The following HS3ST3A1 variants were observed in gnomAD, a reference collection of about 807,000 sequenced individuals.
HS3ST3A1 encodes the protein heparan sulfate-glucosamine 3-sulfotransferase 3A1, also known as heparan sulfate glucosamine 3-O-sulfotransferase 3A1.
HS3ST3A1 carries 19 observed loss-of-function variants against 25.7 expected under a neutral mutation model. That is an observed-to-expected ratio of 0.74 (90% CI 0.52 to 1.08). The LOEUF (loss-of-function observed/expected upper bound fraction) is 1.08. Among genes scored for constraint, HS3ST3A1 ranks in the 50% least tolerant of loss-of-function variants. HS3ST3A1 has a pLI of 0.00. For synonymous variants in HS3ST3A1, 226 were observed against 278.6 expected, an observed-to-expected ratio of 0.81 and a Z score of 1.88; for missense variants, 459 against 594.3, an observed-to-expected ratio of 0.77 and a Z score of 2.37.
intron 1 of HS3ST3A1, among the ~76,000 whole-genome samples, chr17:13,532,862 C>T (rs1455660448): frequency 7.7e-6 from 1 of 130,050 alleles, no homozygotes; most frequent in East Asian, 2.5e-4. Context: ...TGGTTACACA[C>T]ACACAAATAC....
In HS3ST3A1 at chr17:13,601,120, G is replaced by A; in HGVS notation, c.10C>T (p.Pro4Ser). The change falls in exon 1 of 2, where the codon CCG becomes TCG. Residue 4 changes from proline (P) to serine (S), a missense_variant. Physicochemically the swap from Pro to Ser is moderately conservative, Grantham distance 74. Transcript: ENST00000284110. MAP[P>S]GPASALSTSA... ...GTGGAGAGGGCACTGGCCGGGCCCG[G>A]AGGGGCCATCCTAGCCGGAGGCGAC... 6.4e-7 allele frequency: 1 copy of A among 1,561,502 alleles called. No individual in the cohort carries two copies. Among genetic ancestry groups the A allele is most frequent in the Non-Finnish European group, 8.7e-7 (1 of 1,155,802 alleles).
At chr17:13,519,504 T>G (rs1320396525) in intron 1 of HS3ST3A1, among the ~76,000 whole-genome samples, 1 of 152,196 alleles carries the variant, frequency 6.6e-6, no homozygotes, top group Non-Finnish European at 1.5e-5. Context: ...CCCAAAGTTC[T>G]GTATAAATGT....
chr17:13,537,590 T>C (rs1343071989), intron 1 of HS3ST3A1, among the ~76,000 whole-genome samples: 1 of 152,246 alleles, frequency 6.6e-6, no homozygotes, highest in African/African-American at 2.4e-5. Flanking sequence ...CCTGTGTCTC[T>C]GGCAAATGTA....
intron 1 of HS3ST3A1, among the ~76,000 whole-genome samples, chr17:13,583,367 A>T (rs949531514): frequency 5.9e-5 from 9 of 152,138 alleles, no homozygotes; most frequent in African/African-American, 2.2e-4. Flanking sequence ...TGGTCATGCA[A>T]TGAAATATTC....
chr17:13,585,862 TTTTTTC>T (rs1908248614), intron 1 of HS3ST3A1, among the ~76,000 whole-genome samples: 6 of 142,848 alleles, frequency 4.2e-5, no homozygotes, highest in Admixed American at 6.9e-5. Flanking sequence ...TTTTTTTTTT[TTTTTTC>T]TGACAGAGTC....
intron 1 of HS3ST3A1, among the ~76,000 whole-genome samples, chr17:13,588,269 GAA>G (rs796090330): frequency 2.8e-5 from 4 of 141,678 alleles, no homozygotes; most frequent in African/African-American, 1.0e-4. Context: ...GCCCTTTCCA[GAA>G]AAAAAAAAAA....
intron 1 of HS3ST3A1, among the ~76,000 whole-genome samples, chr17:13,561,052 C>T (rs1419961700): frequency 2.0e-5 from 3 of 152,146 alleles, no homozygotes; most frequent in Non-Finnish European, 4.4e-5. Flanking sequence ...CCAGAGGCCT[C>T]CATTCCTCGA....
At chr17:13,555,175 A>G (rs1907338958) in intron 1 of HS3ST3A1, among the ~76,000 whole-genome samples, 1 of 151,896 alleles carries the variant, frequency 6.6e-6, no homozygotes, top group Non-Finnish European at 1.5e-5. Flanking sequence ...TTACACCCTT[A>G]TGCCTCCCGC....
Position 13,600,613 on chromosome 17 carries a change from G to A in HS3ST3A1, c.517C>T (p.Arg173Cys), listed in dbSNP as rs768809737. 3.1e-6 allele frequency: 5 copies of A among 1,599,118 alleles called. No homozygotes were observed. The highest frequency in any genetic ancestry group is 3.4e-6 in the Non-Finnish European group (4 of 1,177,550). The change falls in exon 1 of 2, where the codon CGC (arginine) becomes TGC (cysteine). Residue 173 changes from arginine (R) to cysteine (C), a missense_variant. Arg to Cys is a radical substitution (Grantham distance 180). Transcript: ENST00000284110. ...ACGGCGCGCACGTCGGGGTGCACGC[G>A]CAGGAACTCCAGCAGCGCCCGCGTG... The part of the protein sequence containing the change: ...GGTRALLEFL[R>C]VHPDVRAVGA...
chr17:13,548,747 A>C lies in HS3ST3A1; in HGVS notation c.599+51784T>G, dbSNP rs11869531. Among the ~76,000 whole-genome samples the C allele has an allele frequency of 5.5e-3, 838 of 152,244 alleles. 8 individuals are homozygous for C. The highest frequency in any genetic ancestry group is 0.019 in the African/African-American group (804 of 41,542). On this transcript the variant is annotated intron_variant, in intron 1 of 1. Transcript: ENST00000284110. Reference sequence around the variant, plus strand: ...AACGCACCAATCATCACTCTGTAAAAACGCACCAATCAGCGTTCTTGTGTC... The same window carrying C: ...AACGCACCAATCATCACTCTGTAAACACGCACCAATCAGCGTTCTTGTGTC...
intron 1 of HS3ST3A1, among the ~76,000 whole-genome samples, chr17:13,522,834 C>T (rs1906289362): frequency 2.4e-5 from 3 of 127,580 alleles, no homozygotes; most frequent in Admixed American, 1.8e-4. Context: ...CACACACACA[C>T]ACCACACACA....
In HS3ST3A1 at chr17:13,496,017, T is replaced by A. The variant is rs551611556; in HGVS notation, c.*180A>T. ...GAGTGAAATTTTCCTTTTCTGTTGA[T>A]CCACGTGTTTGGTGTTGGTTATACA... is the stretch of plus-strand genomic sequence containing the variant. On this transcript the variant is annotated 3_prime_UTR_variant, in exon 2 of 2. Transcript: ENST00000284110. The A allele has an allele frequency of 1.7e-5, 12 of 715,234 alleles. No individual in the cohort carries two copies. In the African/African-American group the frequency reaches 2.2e-4, roughly 13 times the overall value. 44.3% of individuals were successfully genotyped at this position (715,234 alleles called of 1,614,324 possible). A position where few individuals can be genotyped will look rare whatever the true frequency, so the allele number is the denominator to read the frequency against.
At chr17:13,575,447 T>C (rs902457333) in intron 1 of HS3ST3A1, among the ~76,000 whole-genome samples, 2 of 152,214 alleles carry the variant, frequency 1.3e-5, no homozygotes, top group Non-Finnish European at 1.5e-5. Flanking sequence ...CATGAATCTA[T>C]ACCTTGCTGA....
chr17:13,584,514 G>T (rs1235236071), intron 1 of HS3ST3A1, among the ~76,000 whole-genome samples: 1 of 142,608 alleles, frequency 7.0e-6, no homozygotes, highest in African/African-American at 2.6e-5. Context: ...AAGGAAGGAA[G>T]GAAAAAAGGA....
In HS3ST3A1 at chr17:13,600,973, C is replaced by T. The variant is rs909023839; in HGVS notation, c.157G>A (p.Val53Ile). The T allele has an allele frequency of 2.6e-6, 4 of 1,556,226 alleles. No individual in the cohort carries two copies. Among genetic ancestry groups the T allele is most frequent in the Admixed American group, 1.9e-5 (1 of 51,776 alleles). Residue 53 changes from valine (V) to isoleucine (I), a missense_variant, in exon 1 of 2, where the codon GTC (valine) becomes ATC (isoleucine). Around this residue, in one of 3 missense-constraint regions of HS3ST3A1, gnomAD observed 346 missense variants for 303.9 expected, o/e 1.14. Coordinates refer to ENST00000284110, the MANE Select transcript of HS3ST3A1 (RefSeq NM_006042.3). Reference sequence around the variant, plus strand: ...TCGCCGCCGCCGGACAGCCCCACGACGGGGCCGGACAGGGTCTGGCAGCGC... The same window carrying T: ...TCGCCGCCGCCGGACAGCCCCACGATGGGGCCGGACAGGGTCTGGCAGCGC... ...AERCQTLSGPVVGLSGGGEEA... is the reference protein window; with the variant it reads ...AERCQTLSGPIVGLSGGGEEA...
At position 13,496,065 on chromosome 17, in the gene HS3ST3A1, A is replaced by G; in HGVS notation, c.*132T>C. On this transcript the variant is annotated 3_prime_UTR_variant, in exon 2 of 2. Coordinates refer to ENST00000284110, the MANE Select transcript of HS3ST3A1 (RefSeq NM_006042.3). ...ACATTAAGATGGGGCGGGAGTGAGA[A>G]CAATCTCTTAACATTCATTGAAAAA... 8.6e-7 allele frequency: 1 copy of G among 1,159,094 alleles called. No individual in the cohort carries two copies. The allele number at this position is 1,159,094 out of a possible 1,614,324, so 71.8% of individuals were successfully genotyped here. A position where few individuals can be genotyped will look rare whatever the true frequency, so the allele number is the denominator to read the frequency against.
intron 1 of HS3ST3A1, among the ~76,000 whole-genome samples, chr17:13,504,100 G>A (rs1905577832): frequency 6.6e-6 from 1 of 152,004 alleles, no homozygotes; most frequent in Non-Finnish European, 1.5e-5. Flanking sequence ...GGATCATGAG[G>A]TCAGGAGTTC....
At chr17:13,579,527 C>G (rs928549697) in intron 1 of HS3ST3A1, among the ~76,000 whole-genome samples, 2 of 151,566 alleles carry the variant, frequency 1.3e-5, no homozygotes, top group African/African-American at 2.4e-5. Flanking sequence ...ATGGTGAAAC[C>G]CTGTCTCTAC....
intron 1 of HS3ST3A1, among the ~76,000 whole-genome samples, chr17:13,518,553 G>A (rs527979834): frequency 1.3e-5 from 2 of 152,276 alleles, no homozygotes; most frequent in African/African-American, 4.8e-5. Context: ...GGACTTTCTA[G>A]TTTTTTCATC....
Sources: gnomAD v4.1 joint callset for allele counts (sites outside exome capture counted in the v4.1 genomes callset) on GRCh38, gnomAD v4.1.1 for gene constraint, gnomAD v4.1.1 regional missense constraint, MANE v1.5 for transcripts, NCBI Gene and HGNC (gene_info 2026-07-23, HGNC 2026-07-21) for gene names.